Variants in OCA2 observed in about 807,000 individuals in gnomAD.
The protein encoded by OCA2 is P protein.
OCA2 carries 77 observed loss-of-function variants against 100.2 expected under a neutral mutation model. That is an observed-to-expected ratio of 0.77 (90% CI 0.64 to 0.93). OCA2 has a LOEUF of 0.93. Among genes scored for constraint, OCA2 ranks in the 40% least tolerant of loss-of-function variants. The probability of loss-of-function intolerance (pLI) is 0.00; values close to 1 mark genes in which losing one functional copy is unlikely to be tolerated. For synonymous variants in OCA2, 432 were observed against 439.2 expected, an observed-to-expected ratio of 0.98 and a Z score of 0.21; for missense variants, 1,062 against 1,089.1, an observed-to-expected ratio of 0.98 and a Z score of 0.35.
intron 23 of OCA2, among the ~76,000 whole-genome samples, chr15:27,812,162 G>A (rs1423950373): frequency 6.6e-6 from 1 of 152,196 alleles, no homozygotes; most frequent in Non-Finnish European, 1.5e-5. Flanking sequence ...CCCCTCATCA[G>A]TCAGCGGCTT....
At chr15:27,913,895 GCAAGCAAGCAAGCAA>G in intron 19 of OCA2, among the ~76,000 whole-genome samples, 1 of 39,028 alleles carries the variant, frequency 2.6e-5, no homozygotes, top group South Asian at 8.4e-4. Context: ...AAGAAAGAAA[GCAAGCAAGCAAGCAA>G]GCAAGCAAGC....
chr15:28,090,873 A>G (rs1459581169), intron 1 of OCA2, among the ~76,000 whole-genome samples: 1 of 152,176 alleles, frequency 6.6e-6, no homozygotes, highest in Non-Finnish European at 1.5e-5. Context: ...CAAATCAACA[A>G]AAACAGTAGA....
chr15:27,951,403 G>A (rs1009405926), intron 18 of OCA2, among the ~76,000 whole-genome samples: 5 of 152,228 alleles, frequency 3.3e-5, no homozygotes, highest in Non-Finnish European at 4.4e-5. Context: ...CATGGTAGGC[G>A]GCACAGATGG....
intron 19 of OCA2, chr15:27,896,279 G>C: frequency 9.0e-7 from 1 of 1,107,032 alleles, no homozygotes; most frequent in Non-Finnish European, 1.4e-6. Flanking sequence ...AAGTACACCG[G>C]AAGCACATCA....
intron 21 of OCA2, among the ~76,000 whole-genome samples, chr15:27,856,814 T>C (rs568739364): frequency 6.6e-6 from 1 of 152,098 alleles, no homozygotes; most frequent in African/African-American, 2.4e-5. Flanking sequence ...AAAACTTCAA[T>C]GACCATACAC....
intron 21 of OCA2, among the ~76,000 whole-genome samples, chr15:27,869,721 G>A (rs940729776): frequency 6.6e-6 from 1 of 152,182 alleles, no homozygotes; most frequent in Non-Finnish European, 1.5e-5. Context: ...CCTGCGCTCG[G>A]TCCGCAACTG....
At chr15:28,002,727 G>A (rs1286109974) in intron 9 of OCA2, among the ~76,000 whole-genome samples, 3 of 152,156 alleles carry the variant, frequency 2.0e-5, no homozygotes, top group African/African-American at 7.2e-5. Context: ...TGCCACCAAG[G>A]CCTGCTTTCC....
Position 28,070,039 on chromosome 15 carries a change from C to T in OCA2, c.227+11609G>A, listed in dbSNP as rs1320015724. Among the ~76,000 whole-genome samples, 16 of 110,558 alleles carry T rather than the reference C, an allele frequency of 1.4e-4. 1 individual carries two copies. The highest frequency in any genetic ancestry group is 4.7e-4 in the East Asian group (1 of 2,124). The allele number at this position is 110,558 out of a possible 152,430, so 72.5% of individuals were successfully genotyped here. On this transcript the variant is annotated intron_variant, in intron 2 of 23. Transcript: ENST00000354638. ...CACCCATCGTCTGAGATGTGGGGAG[C>T]GCCTCTGCCCCGCCGCCCCATCTGG...
At chr15:27,748,598 G>A in the OCA2 span, among the ~76,000 whole-genome samples, 1 of 152,108 alleles carries the variant, frequency 6.6e-6, no homozygotes, top group African/African-American at 2.4e-5. Context: ...AATCCATAAT[G>A]TCCTAATAGC....
chr15:27,881,188 C>G (rs1400441074), intron 19 of OCA2, among the ~76,000 whole-genome samples: 5 of 152,244 alleles, frequency 3.3e-5, no homozygotes, highest in East Asian at 3.9e-4. Context: ...GTTGAACCAG[C>G]CTTTCACCTG....
At chr15:27,927,826 C>G (rs2039100702) in intron 18 of OCA2, among the ~76,000 whole-genome samples, 1 of 112,970 alleles carries the variant, frequency 8.9e-6, no homozygotes, top group Admixed American at 1.3e-4. Context: ...GAGTCTTACT[C>G]TGTGGCCCAG....
At chr15:27,932,098 G>GT (rs1167708631) in intron 18 of OCA2, among the ~76,000 whole-genome samples, 3 of 152,318 alleles carry the variant, frequency 2.0e-5, no homozygotes, top group African/African-American at 7.2e-5. Context: ...AATACTATAG[G>GT]TAGATGTGAA....
At chr15:27,843,013 G>A (rs1173924119) in intron 23 of OCA2, among the ~76,000 whole-genome samples, 1 of 152,158 alleles carries the variant, frequency 6.6e-6, no homozygotes, top group African/African-American at 2.4e-5. Flanking sequence ...AGTGCTACTT[G>A]GGAAAAGATC....
intron 19 of OCA2, among the ~76,000 whole-genome samples, chr15:27,882,794 C>G (rs2037073907): frequency 6.6e-6 from 1 of 152,164 alleles, no homozygotes; most frequent in East Asian, 1.9e-4. Flanking sequence ...ATCATATTGG[C>G]CTGTATCACA....
intron 14 of OCA2, among the ~76,000 whole-genome samples, chr15:27,977,889 C>A (rs2041021487): frequency 6.6e-6 from 1 of 152,188 alleles, no homozygotes. Context: ...GGAAGACAGC[C>A]CTCACCAGGG....
chr15:27,995,467 C>T (rs1447610966), intron 9 of OCA2, among the ~76,000 whole-genome samples: 2 of 149,502 alleles, frequency 1.3e-5, no homozygotes, highest in South Asian at 4.3e-4. Context: ...ATCAAAGCTC[C>T]CTTTAGTCTT....
At chr15:27,954,355 G>A (rs142847847) in intron 17 of OCA2, among the ~76,000 whole-genome samples, 1,526 of 152,280 alleles carry the variant, frequency 0.01, 29 homozygotes, top group African/African-American at 0.034. Flanking sequence ...GAGTATCACA[G>A]CTATACCTTT....
At chr15:27,798,539 A>C (rs2033446255) in intron 23 of OCA2, among the ~76,000 whole-genome samples, 1 of 152,210 alleles carries the variant, frequency 6.6e-6, no homozygotes, top group Non-Finnish European at 1.5e-5. Flanking sequence ...CCGTGAAGGA[A>C]GAAGGGGTTA....
intron 23 of OCA2, among the ~76,000 whole-genome samples, chr15:27,769,808 G>A (rs2031570628): frequency 2.0e-5 from 3 of 150,156 alleles, no homozygotes; most frequent in Admixed American, 1.3e-4. Context: ...GCCCGGGCAC[G>A]GAGGCTGTCC....
Sources: allele counts gnomAD v4.1 joint callset (sites outside exome capture counted in the v4.1 genomes callset), GRCh38; gene constraint gnomAD v4.1.1; transcripts MANE v1.5; gene names NCBI Gene and HGNC (gene_info 2026-07-23, HGNC 2026-07-21).